The following PTPN12 variants were observed in gnomAD, a reference collection of about 807,000 sequenced individuals.
PTPN12 encodes tyrosine-protein phosphatase non-receptor type 12.
PTPN12 carries 29 observed loss-of-function variants against 97.6 expected under a neutral mutation model. The observed-to-expected ratio is 0.30, with a 90% CI of 0.22 to 0.41. The LOEUF is 0.41. PTPN12 is among the 10% of genes least tolerant of loss of function. The pLI is 1.00. For synonymous variants in PTPN12, 327 were observed against 300.4 expected, an observed-to-expected ratio of 1.09 and a Z score of -0.91; for missense variants, 819 against 926.0, an observed-to-expected ratio of 0.88 and a Z score of 1.50.
At chr7:77,573,108 A>AAAAC (rs1584128483) in intron 2 of PTPN12, among the ~76,000 whole-genome samples, 2 of 147,664 alleles carry the variant, frequency 1.4e-5, no homozygotes, top group East Asian at 2.0e-4. Flanking sequence ...AAAAAAACAA[A>AAAAC]AAAAACCAGT....
chr7:77,625,051 C>A (rs563080244), intron 12 of PTPN12, among the ~76,000 whole-genome samples: 3 of 152,178 alleles, frequency 2.0e-5, no homozygotes, highest in East Asian at 3.9e-4. Context: ...ACAAGAATTG[C>A]TGGAACCCAG....
chr7:77,638,561 G>A, intron 16 of PTPN12, 63 bp from the exon 17 acceptor site: 1 of 1,402,448 alleles, frequency 7.1e-7, no homozygotes, highest in African/African-American at 1.5e-5. Context: ...AAAAATTAAA[G>A]AGTTATATAT....
intron 9 of PTPN12, among the ~76,000 whole-genome samples, chr7:77,610,236 C>T (rs1788523498): frequency 6.6e-6 from 1 of 152,188 alleles, no homozygotes. Flanking sequence ...TTAGCTGGTC[C>T]TTATATAGCC....
At chr7:77,579,524 A>G (rs1346206181) in intron 2 of PTPN12, among the ~76,000 whole-genome samples, 1 of 152,226 alleles carries the variant, frequency 6.6e-6, no homozygotes, top group Non-Finnish European at 1.5e-5. Context: ...ATAAGTGTTA[A>G]TTTTGTGGTA....
intron 11 of PTPN12, among the ~76,000 whole-genome samples, chr7:77,618,087 GGTA>G (rs1788811180): frequency 6.6e-6 from 1 of 152,016 alleles, no homozygotes; most frequent in Non-Finnish European, 1.5e-5. Context: ...CTTGGTAAAT[GGTA>G]TAAGCCTTAT....
chr7:77,607,127 A>C (rs371127363), intron 8 of PTPN12, 108 bp from the exon 9 acceptor site: 1 of 891,360 alleles, frequency 1.1e-6, no homozygotes, highest in Non-Finnish European at 1.7e-6. Context: ...AATTTTGTCA[A>C]ACTTCTTAAA....
chr7:77,614,500 T>G (rs1291825068), intron 11 of PTPN12, among the ~76,000 whole-genome samples: 2 of 152,186 alleles, frequency 1.3e-5, no homozygotes, highest in Admixed American at 1.3e-4. Flanking sequence ...CGTACCTCAT[T>G]GCATGGTACA....
chr7:77,551,071 T>C (rs1465539408), intron 1 of PTPN12, among the ~76,000 whole-genome samples: 5 of 152,186 alleles, frequency 3.3e-5, no homozygotes, highest in Non-Finnish European at 5.9e-5. Flanking sequence ...ATTTTTCATT[T>C]TGTTTTTGAG....
chr7:77,556,686 A>C (rs1041494459), intron 1 of PTPN12, among the ~76,000 whole-genome samples: 2 of 151,926 alleles, frequency 1.3e-5, no homozygotes, highest in South Asian at 2.1e-4. Flanking sequence ...CGTCTCTAAT[A>C]AAAATTAGCT....
chr7:77,627,621 A>C lies in PTPN12; in HGVS notation c.1942A>C (p.Met648Leu). The change falls in exon 13 of 18, where the codon ATG becomes CTG. Residue 648 changes from methionine to leucine, a missense_variant. Physicochemically the swap from Met to Leu is conservative, Grantham distance 15. Transcript: ENST00000248594. ...CATTTCTACTAGGAAAGTATTGCCA[A>C]TGTCCATTGCTAGACATAATATAGC... ...ESISTRKVLPMSIARHNIAGT... is the reference protein window; with the variant it reads ...ESISTRKVLPLSIARHNIAGT... The C allele has an allele frequency of 6.2e-7, 1 of 1,610,970 alleles. No homozygotes were observed. Among genetic ancestry groups the C allele is most frequent in the Non-Finnish European group, 8.5e-7 (1 of 1,178,792 alleles).
intron 5 of PTPN12, among the ~76,000 whole-genome samples, chr7:77,591,865 T>C (rs1164211003): frequency 1.3e-5 from 2 of 152,206 alleles, no homozygotes; most frequent in East Asian, 3.8e-4. Flanking sequence ...AAATACCTCC[T>C]TGTACCAGAC....
intron 5 of PTPN12, among the ~76,000 whole-genome samples, chr7:77,590,622 A>G (rs1787837079): frequency 1.3e-5 from 2 of 150,824 alleles, no homozygotes; most frequent in African/African-American, 4.9e-5. Flanking sequence ...GTGCAGTGGC[A>G]CAATCTCAGC....
At chr7:77,588,683 C>A (rs1167271565) in intron 5 of PTPN12, among the ~76,000 whole-genome samples, 1 of 151,990 alleles carries the variant, frequency 6.6e-6, no homozygotes, top group Non-Finnish European at 1.5e-5. Flanking sequence ...ATGAGGTATG[C>A]CTGTACTTAA....
intron 13 of PTPN12, among the ~76,000 whole-genome samples, chr7:77,631,639 CT>C (rs1260071438): frequency 6.6e-6 from 1 of 152,198 alleles, no homozygotes; most frequent in Admixed American, 6.5e-5. Flanking sequence ...TTAATGCACT[CT>C]CTTTCCCAAG....
chr7:77,583,404 T>C, intron 3 of PTPN12, 151 bp from the exon 4 acceptor site: 1 of 570,538 alleles, frequency 1.8e-6, no homozygotes, highest in Non-Finnish European at 3.1e-6. Flanking sequence ...TATTTTGCCA[T>C]GCTTTAATAT....
At chr7:77,629,686 A>G (rs1295659501) in intron 13 of PTPN12, among the ~76,000 whole-genome samples, 1 of 152,134 alleles carries the variant, frequency 6.6e-6, no homozygotes. Context: ...TCATGCCTGT[A>G]ATCCCAGCAT....
At chr7:77,635,682 A>G in intron 14 of PTPN12, 100 bp from the exon 15 acceptor site, 3 of 643,120 alleles carry the variant, frequency 4.7e-6, no homozygotes, top group Non-Finnish European at 2.4e-6. Context: ...TGGAAGCGAT[A>G]GTTTCTAAAA....
chr7:77,623,661 C>A (rs1789026237), intron 12 of PTPN12, among the ~76,000 whole-genome samples: 1 of 152,192 alleles, frequency 6.6e-6, no homozygotes, highest in Admixed American at 6.5e-5. Flanking sequence ...TTGCAGTAAG[C>A]TGAGATTGCA....
chr7:77,584,422 A>G (rs1406182856), intron 4 of PTPN12, among the ~76,000 whole-genome samples: 1 of 152,224 alleles, frequency 6.6e-6, no homozygotes, highest in Non-Finnish European at 1.5e-5. Context: ...GAGCATGAAG[A>G]AACTTTCTGG....
Sources: allele counts gnomAD v4.1 joint callset (sites outside exome capture counted in the v4.1 genomes callset), GRCh38; gene constraint gnomAD v4.1.1; transcripts MANE v1.5; gene names NCBI Gene and HGNC (gene_info 2026-07-23, HGNC 2026-07-21).